The following TAS1R1 variants were observed in gnomAD, a reference collection of about 807,000 sequenced individuals.
TAS1R1 encodes the protein taste receptor type 1 member 1.
A neutral mutation model predicts 45.8 loss-of-function variants in TAS1R1; 31 were observed. The observed-to-expected ratio is 0.68, with a 90% CI of 0.51 to 0.91. The LOEUF (loss-of-function observed/expected upper bound fraction) is 0.91. TAS1R1 is among the 40% of genes least tolerant of loss of function. The pLI, the probability that TAS1R1 is intolerant of heterozygous loss-of-function variation, is 0.00. For missense variants in TAS1R1, 1,051 were observed against 1,063.9 expected, an observed-to-expected ratio of 0.99 and a Z score of 0.17; for synonymous variants, 437 against 448.4, an observed-to-expected ratio of 0.97 and a Z score of 0.32.
intron 5 of TAS1R1, 145 bp downstream of exon 5, chr1:6,577,215 C>A: frequency 1.6e-6 from 2 of 1,241,282 alleles, no homozygotes; most frequent in Non-Finnish European, 1.1e-6. Context: ...TTGGAGGACA[C>A]CTGCTACCAG....
chr1:6,560,204 G>T (rs1639757674), intron 1 of TAS1R1, among the ~76,000 whole-genome samples: 1 of 152,260 alleles, frequency 6.6e-6, no homozygotes, highest in South Asian at 2.1e-4. Context: ...GGCTGAGGCA[G>T]GAGAATCGCT....
At chr1:6,565,346 G>A (rs1038826521) in intron 1 of TAS1R1, among the ~76,000 whole-genome samples, 2 of 152,072 alleles carry the variant, frequency 1.3e-5, no homozygotes, top group Non-Finnish European at 1.5e-5. Context: ...GTGGGCTGTC[G>A]GTGGTGTCTT....
chr1:6,575,027 G>A lies in TAS1R1; in HGVS notation c.895G>A (p.Ala299Thr), dbSNP rs779636670. Residue 299 changes from alanine (A) to threonine (T), a missense_variant, in exon 3 of 6, where the codon GCC becomes ACC. Physicochemically the swap from Ala to Thr is moderately conservative, Grantham distance 58. Coordinates refer to ENST00000333172, the MANE Select transcript of TAS1R1 (RefSeq NM_138697.4). ...CAACCTGACTGGCAAGGTGTGGGTC[G>A]CCTCAGAAGCCTGGGCCCTCTCCAG... ...LTNLTGKVWV[A>T]SEAWALSRHI... 2.1e-5 allele frequency: 34 copies of A among 1,584,484 alleles called. No individual in the cohort carries two copies. The highest frequency in any genetic ancestry group is 1.5e-4 in the South Asian group (13 of 86,072).
Position 6,555,414 on chromosome 1 carries a change from TC to T in TAS1R1, c.42del (p.Ile15PhefsTer39), listed in dbSNP as rs1639655987. 1 of 1,607,166 alleles carries T rather than the reference TC, an allele frequency of 6.2e-7. No homozygotes were observed. Among genetic ancestry groups the T allele is most frequent in the Non-Finnish European group, 8.5e-7 (1 of 1,177,664 alleles). On this transcript the variant is annotated frameshift_variant, in exon 1 of 6. Coordinates refer to ENST00000333172, the MANE Select transcript of TAS1R1 (RefSeq NM_138697.4). LOFTEE classifies it high-confidence loss of function. Reference protein sequence around the residue: ...CTARLVGLQLLISCCWAFACH... With the variant: ...CTARLVGLQLXISCCWAFACH... ...GCTCGCCTGGTCGGCCTGCAGCTTC[TC>T]ATTTCCTGCTGCTGGGCCTTTGCCT...
At chr1:6,572,784 C>T (rs1436248340) in intron 2 of TAS1R1, among the ~76,000 whole-genome samples, 2 of 152,118 alleles carry the variant, frequency 1.3e-5, no homozygotes, top group African/African-American at 4.8e-5. Flanking sequence ...ATTCTCAGTC[C>T]CCTCCCCTCT....
intron 2 of TAS1R1, among the ~76,000 whole-genome samples, chr1:6,573,091 TC>T (rs1387094727): frequency 6.6e-6 from 1 of 152,152 alleles, no homozygotes; most frequent in African/African-American, 2.4e-5. Context: ...TCCTAAGGCT[TC>T]CCCCTGATTT....
At chr1:6,559,916 G>A (rs933864641) in intron 1 of TAS1R1, among the ~76,000 whole-genome samples, 2 of 151,478 alleles carry the variant, frequency 1.3e-5, no homozygotes, top group Non-Finnish European at 2.9e-5. Context: ...CTTGAACCTG[G>A]TGGGTGGAGG....
chr1:6,574,711 G>A lies in TAS1R1; in HGVS notation c.579G>A (p.Lys193=), dbSNP rs369391581. The change falls in exon 3 of 6, where the codon AAG becomes AAA. Residue 193 remains lysine, a synonymous_variant. Coordinates refer to ENST00000333172, the MANE Select transcript of TAS1R1 (RefSeq NM_138697.4). The surrounding 1 kb of genome is among the most constrained non-coding windows in gnomAD (Gnocchi z 4.3). ...PSFLRTIPND[K]YQVETMVLLL... ...TCCTGCGCACCATCCCCAATGACAA[G>A]TACCAGGTGGAGACCATGGTGCTGC... 1 of 1,614,274 alleles carries A rather than the reference G, an allele frequency of 6.2e-7. No individual in the cohort carries two copies. Among genetic ancestry groups the A allele is most frequent in the Non-Finnish European group, 8.5e-7 (1 of 1,180,058 alleles).
chr1:6,568,127 G>T (rs1185646090), intron 1 of TAS1R1, among the ~76,000 whole-genome samples: 1 of 151,994 alleles, frequency 6.6e-6, no homozygotes, highest in Non-Finnish European at 1.5e-5. Context: ...GGTGTTGGGG[G>T]CAGATTGGGA....
chr1:6,562,515 C>A (rs1639808094), intron 1 of TAS1R1, among the ~76,000 whole-genome samples: 1 of 152,218 alleles, frequency 6.6e-6, no homozygotes. Context: ...TTCCAAGACT[C>A]TTTTACATTA....
intron 5 of TAS1R1, among the ~76,000 whole-genome samples, chr1:6,577,366 T>C (rs1640207952): frequency 6.6e-6 from 1 of 151,040 alleles, no homozygotes; most frequent in Non-Finnish European, 1.5e-5. Context: ...AAACCCCATC[T>C]CTACCAAAAA....
At chr1:6,572,797 T>A (rs971990379) in intron 2 of TAS1R1, among the ~76,000 whole-genome samples, 2 of 152,114 alleles carry the variant, frequency 1.3e-5, no homozygotes, top group Non-Finnish European at 2.9e-5. Context: ...TCCCCTCTGA[T>A]CTGAGCCCCT....
At chr1:6,562,242 C>T (rs570176176) in intron 1 of TAS1R1, among the ~76,000 whole-genome samples, 1 of 152,142 alleles carries the variant, frequency 6.6e-6, no homozygotes, top group African/African-American at 2.4e-5. Context: ...GATCCCGGCT[C>T]ACTGCAAGCT....
intron 2 of TAS1R1, among the ~76,000 whole-genome samples, chr1:6,571,563 C>T (rs1265463786): frequency 6.6e-6 from 1 of 152,232 alleles, no homozygotes; most frequent in African/African-American, 2.4e-5. Flanking sequence ...GGCGCTGTGG[C>T]TCATGCCTGT....
intron 4 of TAS1R1, 144 bp from the exon 5 acceptor site, chr1:6,576,806 C>T (rs1476894049): frequency 1.4e-6 from 2 of 1,439,944 alleles, no homozygotes; most frequent in Admixed American, 3.7e-5. Flanking sequence ...GTGCAGATGC[C>T]CTGGGGCGGA....
At chr1:6,568,285 TA>T (rs1042464093) in intron 1 of TAS1R1, among the ~76,000 whole-genome samples, 2 of 149,974 alleles carry the variant, frequency 1.3e-5, no homozygotes, top group East Asian at 1.9e-4. Flanking sequence ...CCATCTCTAC[TA>T]AAAAAAAATA....
At chr1:6,571,349 C>T (rs531813245) in intron 2 of TAS1R1, 134 bp downstream of exon 2, 2 of 943,454 alleles carry the variant, frequency 2.1e-6, no homozygotes, top group Middle Eastern at 3.4e-4. Context: ...TCTTTAGTCA[C>T]AAGTCAGGGG....
At position 6,579,380 on chromosome 1, in the gene TAS1R1, C is replaced by G; in HGVS notation, c.2322C>G (p.Ile774Met). The G allele has an allele frequency of 6.2e-7, 1 of 1,613,890 alleles. No individual in the cohort carries two copies. The highest frequency in any genetic ancestry group is 8.5e-7 in the Non-Finnish European group (1 of 1,180,058). ...TGCTCTTCAACTTCGTGTCCTGGAT[C>G]GCCTTCTTCACCACGGCCAGCGTCT... ...FSLLFNFVSW[I>M]AFFTTASVYD... is the part of the protein sequence containing the mutation. Residue 774 changes from isoleucine (I) to methionine (M), a missense_variant, in exon 6 of 6, where the codon ATC (isoleucine) becomes ATG (methionine). Coordinates refer to ENST00000333172, the MANE Select transcript of TAS1R1 (RefSeq NM_138697.4).
At chr1:6,565,164 C>T (rs1017003816) in intron 1 of TAS1R1, among the ~76,000 whole-genome samples, 3 of 151,856 alleles carry the variant, frequency 2.0e-5, no homozygotes, top group Admixed American at 6.6e-5. Flanking sequence ...CATCTCAGTA[C>T]GGGAGTGGGT....
Sources: gnomAD v4.1 joint callset for allele counts (sites outside exome capture counted in the v4.1 genomes callset) on GRCh38, gnomAD v4.1.1 for gene constraint, Gnocchi (gnomAD v3.1) non-coding constraint, MANE v1.5 for transcripts, NCBI Gene and HGNC (gene_info 2026-07-23, HGNC 2026-07-21) for gene names.